Variants in PRKCA observed in about 807,000 individuals in gnomAD.
PRKCA encodes protein kinase C alpha type.
Under a neutral mutation model 87.0 loss-of-function variants are expected in PRKCA, and 27 were observed. The ratio of observed to expected loss-of-function variants is 0.31; its 90% CI spans 0.23 to 0.43. The LOEUF is 0.43. Among genes scored for constraint, PRKCA ranks in the 20% least tolerant of loss-of-function variants. The pLI is 1.00. For missense variants in PRKCA, 518 were observed against 852.3 expected (o/e 0.61, Z 4.88); for synonymous variants, 329 against 311.1 (o/e 1.06, Z -0.61).
chr17:66,782,587 C>T (rs566317572), intron 14 of PRKCA, among the ~76,000 whole-genome samples: 4 of 152,312 alleles, frequency 2.6e-5, no homozygotes, highest in East Asian at 1.9e-4. Context: ...AGAGGCCAGT[C>T]GCTCTCTACG....
intron 2 of PRKCA, among the ~76,000 whole-genome samples, chr17:66,345,502 A>G (rs1293698807): frequency 6.6e-6 from 1 of 152,202 alleles, no homozygotes; most frequent in African/African-American, 2.4e-5. Context: ...CAATAGAGGC[A>G]GCTTCCAGTT....
intron 3 of PRKCA, among the ~76,000 whole-genome samples, chr17:66,571,106 G>C (rs181222175): frequency 6.6e-6 from 1 of 152,120 alleles, no homozygotes; most frequent in Non-Finnish European, 1.5e-5. Flanking sequence ...CTTAAATTTC[G>C]TACTAAATGT....
chr17:66,303,732 G>T (rs1214744719), intron 1 of PRKCA, among the ~76,000 whole-genome samples: 1 of 152,144 alleles, frequency 6.6e-6, no homozygotes, highest in Non-Finnish European at 1.5e-5. Flanking sequence ...GCCAGGCGCG[G>T]TGGCTCACGC....
At chr17:66,313,451 A>C (rs2143156833) in intron 2 of PRKCA, among the ~76,000 whole-genome samples, 1 of 152,370 alleles carries the variant, frequency 6.6e-6, no homozygotes, top group African/African-American at 2.4e-5. Flanking sequence ...TAACACATTA[A>C]CACTGCAGAA....
At chr17:66,595,432 T>G (rs1010765476) in intron 3 of PRKCA, among the ~76,000 whole-genome samples, 2 of 151,260 alleles carry the variant, frequency 1.3e-5, no homozygotes, top group Non-Finnish European at 2.9e-5. Flanking sequence ...TAGGTATATT[T>G]GCAAAAACTC....
chr17:66,432,057 C>T (rs1321577158), intron 2 of PRKCA, among the ~76,000 whole-genome samples: 1 of 152,074 alleles, frequency 6.6e-6, no homozygotes, highest in Non-Finnish European at 1.5e-5. Flanking sequence ...GACTCATATT[C>T]AAGAAAGAGA....
chr17:66,438,359 G>A (rs1290249411), intron 2 of PRKCA, among the ~76,000 whole-genome samples: 6 of 152,150 alleles, frequency 3.9e-5, no homozygotes, highest in Non-Finnish European at 7.4e-5. Flanking sequence ...TCCAGTTGAT[G>A]ATGTCTGGAC....
rs969524878 is a variant in PRKCA at position 66,379,940 on chromosome 17, TA to T, written c.205+73823del. Reference sequence around the variant, plus strand: ...AGTCAAGGATATTGAAGTATAAAGCTAAAAAAAAAATAGCCTTGATTTTTCT... The same window carrying T: ...AGTCAAGGATATTGAAGTATAAAGCTAAAAAAAAATAGCCTTGATTTTTCT... On this transcript the variant is annotated intron_variant, in intron 2 of 16. Coordinates refer to ENST00000413366, the MANE Select transcript of PRKCA (RefSeq NM_002737.3). Among the ~76,000 whole-genome samples the T allele has an allele frequency of 2.4e-3, 361 of 148,180 alleles. 3 individuals carry two copies. Among genetic ancestry groups the T allele is most frequent in the South Asian group, 9.0e-3 (42 of 4,672 alleles).
intron 14 of PRKCA, among the ~76,000 whole-genome samples, chr17:66,781,208 C>G (rs1014754271): frequency 9.9e-5 from 15 of 152,246 alleles, no homozygotes; most frequent in Non-Finnish European, 2.2e-4. Flanking sequence ...CCTCCTGGCT[C>G]AGTAGGATTG....
rs1441708233 is a variant in PRKCA at position 66,484,184 on chromosome 17, G to A, written c.206-12017G>A. Among the ~76,000 whole-genome samples the A allele has an allele frequency of 5.3e-5, 8 of 152,224 alleles. No individual in the cohort carries two copies. The East Asian group carries it at 7.7e-4, about 15-fold the overall frequency. Reference sequence around the variant, plus strand: ...CTCACTACGACGAGAACAGTATGGGGGAAAGCACTCCCATGATTCAGTTGT... The same window carrying A: ...CTCACTACGACGAGAACAGTATGGGAGAAAGCACTCCCATGATTCAGTTGT... On this transcript the variant is annotated intron_variant, in intron 2 of 16. Coordinates refer to ENST00000413366, the MANE Select transcript of PRKCA (RefSeq NM_002737.3).
At chr17:66,413,159 CCTGA>C (rs1567816201) in intron 2 of PRKCA, among the ~76,000 whole-genome samples, 2 of 152,182 alleles carry the variant, frequency 1.3e-5, no homozygotes, top group South Asian at 2.1e-4. Context: ...GACCTGTGCT[CCTGA>C]CTGACTGTCT....
chr17:66,410,835 C>A (rs1213562084), intron 2 of PRKCA, among the ~76,000 whole-genome samples: 3 of 152,170 alleles, frequency 2.0e-5, no homozygotes, highest in Non-Finnish European at 4.4e-5. Context: ...CTTGGCCTCC[C>A]AAAGTGCTGG....
chr17:66,673,255 G>A (rs192591769), intron 5 of PRKCA, among the ~76,000 whole-genome samples: 57 of 152,276 alleles, frequency 3.7e-4, no homozygotes, highest in African/African-American at 1.4e-3. Context: ...ACAGTCCTCC[G>A]AATTCTCTTA....
intron 8 of PRKCA, among the ~76,000 whole-genome samples, chr17:66,730,826 C>T (rs961302736): frequency 7.2e-5 from 11 of 152,186 alleles, no homozygotes; most frequent in African/African-American, 2.7e-4. Flanking sequence ...CAAGAGAGCA[C>T]AAGGGGGCTC....
At chr17:66,728,913 A>G (rs11079667) in intron 8 of PRKCA, among the ~76,000 whole-genome samples, 84,468 of 152,112 alleles carry the variant, frequency 0.56, 23,523 homozygotes, top group African/African-American at 0.57. Flanking sequence ...AGGTGAAAGT[A>G]GTTTTTAACT....
intron 2 of PRKCA, among the ~76,000 whole-genome samples, chr17:66,332,811 C>A (rs564804219): frequency 6.6e-6 from 1 of 152,080 alleles, no homozygotes; most frequent in Admixed American, 6.5e-5. Flanking sequence ...CCTGCCTCAG[C>A]CTCCTGAGTA....
intron 3 of PRKCA, among the ~76,000 whole-genome samples, chr17:66,515,115 G>T (rs1966922595): frequency 6.6e-6 from 1 of 151,910 alleles, no homozygotes; most frequent in South Asian, 2.1e-4. Context: ...AATTAGCTGG[G>T]CATGGTGGCC....
At chr17:66,616,918 G>T (rs1394054256) in intron 3 of PRKCA, among the ~76,000 whole-genome samples, 1 of 151,852 alleles carries the variant, frequency 6.6e-6, no homozygotes, top group African/African-American at 2.4e-5. Context: ...TTCTTGGTGG[G>T]AGCAGGAGCT....
At chr17:66,348,315 CT>C (rs1907533065) in intron 2 of PRKCA, among the ~76,000 whole-genome samples, 1 of 152,114 alleles carries the variant, frequency 6.6e-6, no homozygotes, top group African/African-American at 2.4e-5. Context: ...CAAAAAGCCC[CT>C]GGGATTTCAT....
Sources: allele counts gnomAD v4.1 joint callset (sites outside exome capture counted in the v4.1 genomes callset), GRCh38; gene constraint gnomAD v4.1.1; transcripts MANE v1.5; gene names NCBI Gene and HGNC (gene_info 2026-07-23, HGNC 2026-07-21).